Variants in JDP2 observed in about 807,000 individuals in gnomAD.
The protein encoded by JDP2 is Jun dimerization protein 2, also known as progesterone receptor co-activator.
Under a neutral mutation model 17.1 loss-of-function variants are expected in JDP2, and 9 were observed. That is an observed-to-expected ratio of 0.53 (90% confidence interval 0.32 to 0.92). The LOEUF is 0.92. JDP2 is among the 40% of genes least tolerant of loss of function. The pLI is 0.04. For synonymous variants in JDP2, 107 were observed against 95.6 expected (o/e 1.12, Z -0.69); for missense variants, 179 against 220.0 (o/e 0.81, Z 1.18).
At chr14:75,439,888 T>C (rs563932520) in intron 2 of JDP2, among the ~76,000 whole-genome samples, 1 of 152,280 alleles carries the variant, frequency 6.6e-6, no homozygotes, top group East Asian at 1.9e-4. Flanking sequence ...AGCAGTTTCA[T>C]GGGGGCACTA....
chr14:75,462,671 G>A (rs572084558), intron 3 of JDP2, among the ~76,000 whole-genome samples: 6 of 152,322 alleles, frequency 3.9e-5, no homozygotes, highest in African/African-American at 1.4e-4. Context: ...GGGGCACACA[G>A]GAAGCAGCAG....
intron 1 of JDP2, among the ~76,000 whole-genome samples, chr14:75,431,741 A>G (rs1884807249): frequency 6.6e-6 from 1 of 152,190 alleles, no homozygotes; most frequent in Non-Finnish European, 1.5e-5. Flanking sequence ...AAAGTGGGAG[A>G]GCGGAGAATC....
In JDP2 at chr14:75,428,798, C is replaced by T. The variant is rs536411840; in HGVS notation, c.-24+546C>T. Among the ~76,000 whole-genome samples, 1 of 152,286 alleles carries T rather than the reference C, an allele frequency of 6.6e-6. No homozygotes were observed. The highest frequency in any genetic ancestry group is 2.4e-5 in the African/African-American group (1 of 41,558). On this transcript the variant is annotated intron_variant, in intron 1 of 3. Coordinates refer to ENST00000651602, the MANE Select transcript of JDP2 (RefSeq NM_001135048.2). This position sits in a 1 kb window ranked among gnomAD's most constrained non-coding sequence, Gnocchi z 5.6. Reference sequence around the variant, plus strand: ...AGTATTGAGAAGGGCTCGGGATTTCCATCCAATGAAGGCAGCTTCTCTCAT... The same window carrying T: ...AGTATTGAGAAGGGCTCGGGATTTCTATCCAATGAAGGCAGCTTCTCTCAT...
intron 2 of JDP2, among the ~76,000 whole-genome samples, chr14:75,443,240 T>G (rs1446312554): frequency 6.6e-6 from 1 of 152,204 alleles, no homozygotes. Context: ...ATGTTTAGCC[T>G]GAGCAGAAAA....
At chr14:75,443,178 C>A (rs775721056) in intron 2 of JDP2, among the ~76,000 whole-genome samples, 2 of 152,066 alleles carry the variant, frequency 1.3e-5, no homozygotes, top group Non-Finnish European at 2.9e-5. Flanking sequence ...TTCACTCAGC[C>A]CCAGGTGGTC....
intron 1 of JDP2, among the ~76,000 whole-genome samples, chr14:75,435,340 A>T (rs975642463): frequency 6.6e-6 from 1 of 152,112 alleles, no homozygotes; most frequent in Non-Finnish European, 1.5e-5. Flanking sequence ...CTCAGGGGCT[A>T]TTTCTGTGTC....
At chr14:75,435,649 T>C (rs1042240008) in intron 1 of JDP2, among the ~76,000 whole-genome samples, 1 of 152,234 alleles carries the variant, frequency 6.6e-6, no homozygotes, top group Non-Finnish European at 1.5e-5. Flanking sequence ...TTAGCCTCTC[T>C]GAGCTTTAGT....
At chr14:75,439,967 G>C (rs763229571) in intron 2 of JDP2, among the ~76,000 whole-genome samples, 19 of 152,214 alleles carry the variant, frequency 1.2e-4, no homozygotes, top group Non-Finnish European at 2.6e-4. Flanking sequence ...GATTCGCCTG[G>C]GGGGCTGAGT....
chr14:75,452,763 C>A (rs528210356), intron 2 of JDP2, among the ~76,000 whole-genome samples: 1 of 152,326 alleles, frequency 6.6e-6, no homozygotes, highest in Admixed American at 6.5e-5. Context: ...CAGCCCTCCC[C>A]CCTCACTAAT....
At chr14:75,454,142 T>C (rs1329805596) in intron 2 of JDP2, among the ~76,000 whole-genome samples, 1 of 151,996 alleles carries the variant, frequency 6.6e-6, no homozygotes. Context: ...CGGAAATGGG[T>C]GAGGGTTAGG....
At chr14:75,441,354 A>G (rs1043048603) in intron 2 of JDP2, among the ~76,000 whole-genome samples, 1 of 152,222 alleles carries the variant, frequency 6.6e-6, no homozygotes, top group African/African-American at 2.4e-5. Flanking sequence ...TTATTATTAC[A>G]TGGTCAACAC....
intron 2 of JDP2, among the ~76,000 whole-genome samples, chr14:75,461,069 A>G (rs929617715): frequency 5.9e-5 from 9 of 152,176 alleles, no homozygotes; most frequent in Admixed American, 5.9e-4. Context: ...TTCTAATAAC[A>G]ACATTAATCC....
rs1237763617 is a variant in JDP2 at position 75,430,722 on chromosome 14, G to T, written c.-24+2470G>T. ...GTCTTGGCAGTCGGTTCCGTGGCTT[G>T]TATTACCAGCTCTGGAACTTAGGGG... On this transcript the variant is annotated intron_variant, in intron 1 of 3. Coordinates refer to ENST00000651602, the MANE Select transcript of JDP2 (RefSeq NM_001135048.2). The surrounding 1 kb of genome is among the most constrained non-coding windows in gnomAD (Gnocchi z 4.5). 6.6e-6 allele frequency among the ~76,000 whole-genome samples: 1 copy of T among 152,066 alleles called. No homozygotes were observed. The highest frequency in any genetic ancestry group is 1.5e-5 in the Non-Finnish European group (1 of 68,014).
intron 2 of JDP2, among the ~76,000 whole-genome samples, chr14:75,458,477 A>G (rs1886212990): frequency 6.6e-6 from 1 of 152,120 alleles, no homozygotes; most frequent in African/African-American, 2.4e-5. Context: ...AGCTCCATCT[A>G]TGTTCCCGCA....
In JDP2 at chr14:75,428,419, G is replaced by T. The variant is rs1055954615; in HGVS notation, c.-24+167G>T. 1 of 151,772 alleles carries T rather than the reference G, an allele frequency of 6.6e-6. No individual in the cohort carries two copies. Among genetic ancestry groups the T allele is most frequent in the Non-Finnish European group, 1.5e-5 (1 of 67,866 alleles). The allele number at this position is 151,772 out of a possible 1,614,324, so 9.4% of individuals were successfully genotyped here. ...AGGGACCTCGAGCTTTCCCCGCGCC[G>T]GGCGCTGCAGCCGGGCCCCTCCCGC... On this transcript the variant is annotated intron_variant, in intron 1 of 3. Transcript: ENST00000651602. The surrounding 1 kb of genome is among the most constrained non-coding windows in gnomAD (Gnocchi z 5.6).
rs1165580192 is a variant in JDP2, at chr14:75,430,851, A to G, written c.-24+2599A>G. On this transcript the variant is annotated intron_variant, in intron 1 of 3. Coordinates refer to ENST00000651602, the MANE Select transcript of JDP2 (RefSeq NM_001135048.2). The surrounding 1 kb of genome is among the most constrained non-coding windows in gnomAD (Gnocchi z 4.5). ...TTTGGCCTCTCGGAACTCAGCAGAG[A>G]CAAATGCCTTAGCGACCCAGTCTTG... Among the ~76,000 whole-genome samples, 1 of 152,132 alleles carries G rather than the reference A, an allele frequency of 6.6e-6. No homozygotes were observed. Among genetic ancestry groups the G allele is most frequent in the African/African-American group, 2.4e-5 (1 of 41,398 alleles).
rs79020511 is a variant in JDP2, at chr14:75,449,663, T to A, written c.201+11542T>A. On this transcript the variant is annotated intron_variant, in intron 2 of 3. Coordinates refer to ENST00000651602, the MANE Select transcript of JDP2 (RefSeq NM_001135048.2). ...TGGGAAACTAGACCCCACTAAGTCA[T>A]AAATATGAAATGGGCCTGAAATAGA... Among the ~76,000 whole-genome samples the A allele has an allele frequency of 9.3e-3, 1,414 of 152,304 alleles. 19 individuals are homozygous for A. Among genetic ancestry groups the A allele is most frequent in the East Asian group, 0.037 (192 of 5,186 alleles).
At chr14:75,462,821 G>A (rs995052550) in intron 3 of JDP2, among the ~76,000 whole-genome samples, 2 of 152,068 alleles carry the variant, frequency 1.3e-5, no homozygotes, top group Non-Finnish European at 2.9e-5. Flanking sequence ...ACAGCATGGG[G>A]CCGTGTATCT....
chr14:75,454,066 C>T (rs1194820950), intron 2 of JDP2, among the ~76,000 whole-genome samples: 1 of 152,108 alleles, frequency 6.6e-6, no homozygotes, highest in Non-Finnish European at 1.5e-5. Flanking sequence ...AATTCAAAAT[C>T]ACATCTGGGC....
Sources: gnomAD v4.1 joint callset for allele counts (sites outside exome capture counted in the v4.1 genomes callset) on GRCh38, gnomAD v4.1.1 for gene constraint, Gnocchi (gnomAD v3.1) non-coding constraint, MANE v1.5 for transcripts, NCBI Gene and HGNC (gene_info 2026-07-23, HGNC 2026-07-21) for gene names.